The following CCNK variants were observed in gnomAD, a reference collection of about 807,000 sequenced individuals.
The protein encoded by CCNK is cyclin-K.
CCNK carries 9 observed loss-of-function variants against 65.0 expected under a neutral mutation model. The observed-to-expected ratio is 0.14, with a 90% confidence interval of 0.08 to 0.24. The LOEUF (loss-of-function observed/expected upper bound fraction) is 0.24. CCNK is among the 10% of genes least tolerant of loss of function. The probability of loss-of-function intolerance (pLI) is 1.00; values close to 1 mark genes in which losing one functional copy is unlikely to be tolerated. For synonymous variants in CCNK, 279 were observed against 270.8 expected (o/e 1.03, Z -0.30); for missense variants, 474 against 720.0 (o/e 0.66, Z 3.91).
At chr14:99,490,446 G>A (rs894393674) in intron 1 of CCNK, among the ~76,000 whole-genome samples, 2 of 152,140 alleles carry the variant, frequency 1.3e-5, no homozygotes, top group Non-Finnish European at 2.9e-5. Flanking sequence ...GAAGGGTATA[G>A]ACAAAACTCA....
Position 99,510,347 on chromosome 14 carries a change from C to A in CCNK, c.1308C>A (p.Ser436Arg). ...ACATGACCGGGATGTCCACCACCAGCTCCTACATGTCTGGAGAGGGCTACC... is the reference window on the plus strand; with the variant it reads ...ACATGACCGGGATGTCCACCACCAGATCCTACATGTCTGGAGAGGGCTACC... Reference protein sequence around the residue: ...SSYMTGMSTTSSYMSGEGYQS... With the variant: ...SSYMTGMSTTRSYMSGEGYQS... Residue 436 changes from serine to arginine, a missense_variant, in exon 11 of 11, where the codon AGC (serine) becomes AGA (arginine). By Grantham distance (110) the Ser-to-Arg change is moderately radical. Around this residue, in one of 6 missense-constraint regions of CCNK, gnomAD observed 229 missense variants for 275.5 expected, o/e 0.83. Coordinates refer to ENST00000389879, the MANE Select transcript of CCNK (RefSeq NM_001099402.2). 2 of 1,589,576 alleles carry A rather than the reference C, an allele frequency of 1.3e-6. No homozygotes were observed. The highest frequency in any genetic ancestry group is 1.7e-5 in the Admixed American group (1 of 57,844).
At chr14:99,502,058 T>G in intron 6 of CCNK, 149 bp from the exon 7 acceptor site, 1 of 842,270 alleles carries the variant, frequency 1.2e-6, no homozygotes. Flanking sequence ...TTTAGAAGAG[T>G]AAAGACTTGA....
At chr14:99,500,352 AT>A (rs1350552660) in intron 4 of CCNK, 1 of 201,686 alleles carries the variant, frequency 5.0e-6, no homozygotes, top group African/African-American at 2.4e-5. Flanking sequence ...GCTGGCTATC[AT>A]AAACTCTTTC....
At chr14:99,491,369 C>T (rs538534514) in intron 1 of CCNK, among the ~76,000 whole-genome samples, 2 of 152,292 alleles carry the variant, frequency 1.3e-5, no homozygotes, top group Admixed American at 6.5e-5. Flanking sequence ...TATAAGATCA[C>T]CTGCTTCTCT....
chr14:99,506,274 C>A (rs370602865), intron 9 of CCNK: 23 of 152,212 alleles, frequency 1.5e-4, no homozygotes, highest in African/African-American at 4.8e-4. Context: ...GTGTACAAGC[C>A]AGAAGAAAGT....
At chr14:99,500,626 A>C in intron 4 of CCNK, 140 bp from the exon 5 acceptor site, 1 of 654,720 alleles carries the variant, frequency 1.5e-6, no homozygotes, top group Admixed American at 2.6e-5. Flanking sequence ...TAAAAGTCTG[A>C]GTGGGAGAGA....
rs181025998 is a variant in CCNK at position 99,493,644 on chromosome 14, C to T, written c.279+49C>T. On this transcript the variant is annotated intron_variant, in intron 3 of 10. Transcript: ENST00000389879. Reference sequence around the variant, plus strand: ...ATTCTCTGTCATATGTTATTATTTCCACACAGTTTGGTGGACTAATTATAA... The same window carrying T: ...ATTCTCTGTCATATGTTATTATTTCTACACAGTTTGGTGGACTAATTATAA... 43 of 1,289,940 alleles carry T rather than the reference C, an allele frequency of 3.3e-5. No homozygotes were observed. In the Admixed American group the frequency reaches 5.1e-4, roughly 15 times the overall value. 79.9% of individuals were successfully genotyped at this position (1,289,940 alleles called of 1,614,324 possible).
Position 99,492,654 on chromosome 14 carries a change from GA to G in CCNK, c.-21del. ...TCTAACATTTTCAGAGAACCTTTTG[GA>G]AAGAACAAGCCTACTTCAATAAATG... On this transcript the variant is annotated 5_prime_UTR_variant, in exon 2 of 11. Coordinates refer to ENST00000389879, the MANE Select transcript of CCNK (RefSeq NM_001099402.2). 6.4e-7 allele frequency: 1 copy of G among 1,568,066 alleles called. No individual in the cohort carries two copies. The highest frequency in any genetic ancestry group is 8.6e-7 in the Non-Finnish European group (1 of 1,164,434).
At chr14:99,502,148 T>C in intron 6 of CCNK, 59 bp from the exon 7 acceptor site, 1 of 1,495,774 alleles carries the variant, frequency 6.7e-7, no homozygotes, top group Non-Finnish European at 8.9e-7. Context: ...CTCCATGCAC[T>C]GGTTTAATCA....
intron 1 of CCNK, among the ~76,000 whole-genome samples, chr14:99,488,552 G>T (rs1053242917): frequency 1.3e-5 from 2 of 152,004 alleles, no homozygotes; most frequent in African/African-American, 4.8e-5. Context: ...TTAAGCTTTT[G>T]GGGGACAAGA....
chr14:99,507,055 T>G, intron 9 of CCNK, 21 bp from the exon 10 acceptor site: 1 of 1,502,692 alleles, frequency 6.7e-7, no homozygotes, highest in Non-Finnish European at 9.3e-7. Flanking sequence ...AGTGGTTTTC[T>G]AATCTGCTTT....
In CCNK at chr14:99,512,440, A is replaced by C. The variant is rs1030724791; in HGVS notation, c.*1658A>C. 6.6e-6 allele frequency: 1 copy of C among 152,036 alleles called. No homozygotes were observed. Among genetic ancestry groups the C allele is most frequent in the Non-Finnish European group, 1.5e-5 (1 of 68,044 alleles). 9.4% of individuals were successfully genotyped at this position (152,036 alleles called of 1,614,324 possible). A position where few individuals can be genotyped will look rare whatever the true frequency, so the allele number is the denominator to read the frequency against. On this transcript the variant is annotated 3_prime_UTR_variant, in exon 11 of 11. Coordinates refer to ENST00000389879, the MANE Select transcript of CCNK (RefSeq NM_001099402.2). Reference sequence around the variant, plus strand: ...CATTTAGTTTTAAGAAAAAAAAAAAATCAGTAGTATGTATCTTGTTTCCTC... The same window carrying C: ...CATTTAGTTTTAAGAAAAAAAAAAACTCAGTAGTATGTATCTTGTTTCCTC...
intron 4 of CCNK, among the ~76,000 whole-genome samples, chr14:99,499,401 G>C (rs929342302): frequency 1.3e-5 from 2 of 152,128 alleles, no homozygotes; most frequent in African/African-American, 4.8e-5. Flanking sequence ...GAAAATGCTT[G>C]GGAAACTAAG....
At chr14:99,493,018 G>A (rs1471044966) in intron 2 of CCNK, 144 bp downstream of exon 2, 6 of 756,994 alleles carry the variant, frequency 7.9e-6, no homozygotes, top group Non-Finnish European at 9.9e-6. Context: ...GTTTCTGGTG[G>A]GGGTTTTTCT....
intron 9 of CCNK, chr14:99,506,069 TG>T (rs1289088695): frequency 6.6e-6 from 1 of 152,532 alleles, no homozygotes; most frequent in Non-Finnish European, 1.5e-5. Context: ...GGTCTAGGGA[TG>T]GGCCATGGTT....
At chr14:99,497,959 G>A (rs1896737096) in intron 4 of CCNK, among the ~76,000 whole-genome samples, 1 of 152,186 alleles carries the variant, frequency 6.6e-6, no homozygotes, top group African/African-American at 2.4e-5. Context: ...ATGTGCATGG[G>A]TATTTGATTT....
chr14:99,483,841 C>G (rs904475234), intron 1 of CCNK, among the ~76,000 whole-genome samples: 1 of 152,196 alleles, frequency 6.6e-6, no homozygotes, highest in South Asian at 2.1e-4. Context: ...CTTGCCCTTA[C>G]TCGGATTAAC....
chr14:99,510,259 C>A lies in CCNK; in HGVS notation c.1220C>A (p.Pro407Gln), dbSNP rs369022783. ...PKVQIPPPAH[P>Q]APVHQPPPLP... ...GTCCAGATTCCCCCTCCGGCCCACC[C>A]GGCCCCTGTGCACCAGCCACCGCCG... The change falls in exon 11 of 11, where the codon CCG (proline) becomes CAG (glutamine). Residue 407 changes from proline to glutamine, a missense_variant. Physicochemically the swap from Pro to Gln is moderately conservative, Grantham distance 76. Transcript: ENST00000389879. 9 of 1,555,738 alleles carry A rather than the reference C, an allele frequency of 5.8e-6. No homozygotes were observed. Among genetic ancestry groups the A allele is most frequent in the Non-Finnish European group, 6.9e-6 (8 of 1,154,590 alleles).
Position 99,510,848 on chromosome 14 carries a change from A to G in CCNK, c.*66A>G. The G allele has an allele frequency of 7.6e-7, 1 of 1,317,174 alleles. No homozygotes were observed. Among genetic ancestry groups the G allele is most frequent in the Non-Finnish European group, 9.9e-7 (1 of 1,013,400 alleles). 81.6% of individuals were successfully genotyped at this position (1,317,174 alleles called of 1,614,324 possible). A position where few individuals can be genotyped will look rare whatever the true frequency, so the allele number is the denominator to read the frequency against. ...TCTAATCGACTTGCAGAGTAGTTGA[A>G]GTGGGTAAGCAGCAGGGTACCTTGT... On this transcript the variant is annotated 3_prime_UTR_variant, in exon 11 of 11. Coordinates refer to ENST00000389879, the MANE Select transcript of CCNK (RefSeq NM_001099402.2).
Sources: allele counts gnomAD v4.1 joint callset (sites outside exome capture counted in the v4.1 genomes callset), GRCh38; gene constraint gnomAD v4.1.1; regional missense constraint gnomAD v4.1.1; transcripts MANE v1.5; gene names NCBI Gene and HGNC (gene_info 2026-07-23, HGNC 2026-07-21).